Variants in NRXN3 observed in about 807,000 individuals in gnomAD.
NRXN3 encodes neurexin 3.
In NRXN3, 32 loss-of-function variants were observed where a neutral mutation model predicts 137.6. The observed-to-expected ratio is 0.23, with a 90% CI of 0.18 to 0.31. The LOEUF is 0.31. NRXN3 is among the 10% of genes least tolerant of loss of function. The pLI is 1.00. For synonymous variants in NRXN3, 798 were observed against 784.5 expected (o/e 1.02, Z -0.29); for missense variants, 1,574 against 2,062.5 (o/e 0.76, Z 4.59).
intron 10 of NRXN3, among the ~76,000 whole-genome samples, chr14:78,956,567 A>G (rs2099397181): frequency 2.6e-5 from 4 of 152,200 alleles, no homozygotes; most frequent in East Asian, 1.9e-4. Context: ...ACATCATTTC[A>G]GTTTTTAGGT....
chr14:79,262,324 A>C (rs1270030092), intron 15 of NRXN3, among the ~76,000 whole-genome samples: 2 of 152,030 alleles, frequency 1.3e-5, no homozygotes, highest in East Asian at 3.9e-4. Flanking sequence ...GAAAAAAAGA[A>C]GGAGGAAGAG....
intron 16 of NRXN3, among the ~76,000 whole-genome samples, chr14:79,468,970 G>A (rs1371771460): frequency 2.0e-5 from 3 of 152,140 alleles, no homozygotes; most frequent in Non-Finnish European, 4.4e-5. Flanking sequence ...AAAAAGAAAG[G>A]CAGCCATACT....
chr14:79,248,575 A>G (rs2075522238), intron 15 of NRXN3: 2 of 151,810 alleles, frequency 1.3e-5, no homozygotes, highest in African/African-American at 4.9e-5. Context: ...AGCACCTATC[A>G]CACTGAGCCA....
chr14:79,686,605 CAAAA>C (rs1019149075), intron 17 of NRXN3, among the ~76,000 whole-genome samples: 1 of 151,866 alleles, frequency 6.6e-6, no homozygotes, highest in African/African-American at 2.4e-5. Flanking sequence ...TTTAAAAAAA[CAAAA>C]AACAGATGAA....
chr14:78,173,225 C>G (rs1244383291), intron 1 of NRXN3, among the ~76,000 whole-genome samples: 2 of 151,776 alleles, frequency 1.3e-5, no homozygotes, highest in Non-Finnish European at 2.9e-5. Flanking sequence ...TATTCTGCAC[C>G]CCCCTTTCTC....
At chr14:78,175,189 G>GA (rs113592441) in intron 1 of NRXN3, among the ~76,000 whole-genome samples, 25,073 of 152,060 alleles carry the variant, frequency 0.16, 2,058 homozygotes, top group Middle Eastern at 0.23. Flanking sequence ...TTGCCTAAAA[G>GA]AAAAAAATCA....
chr14:78,579,370 C>A (rs144885163), intron 4 of NRXN3, among the ~76,000 whole-genome samples: 2 of 152,104 alleles, frequency 1.3e-5, no homozygotes, highest in Non-Finnish European at 2.9e-5. Flanking sequence ...TCCCTTAGGG[C>A]GAAGCTCAGC....
At chr14:78,709,145 T>C (rs999000244) in intron 6 of NRXN3, 72 bp from the exon 7 acceptor site, 2 of 1,408,708 alleles carry the variant, frequency 1.4e-6, no homozygotes, top group African/African-American at 2.9e-5. Flanking sequence ...TTTTTCCAGG[T>C]GCCCAGTGAG....
intron 9 of NRXN3, among the ~76,000 whole-genome samples, chr14:78,805,536 TATAAG>T (rs1168188689): frequency 1.2e-4 from 17 of 147,726 alleles, no homozygotes. Flanking sequence ...CTTAAATCAA[TATAAG>T]AGTGTGTTAC....
At chr14:79,745,465 C>T (rs893841071) in intron 19 of NRXN3, among the ~76,000 whole-genome samples, 11 of 152,092 alleles carry the variant, frequency 7.2e-5, no homozygotes, top group South Asian at 4.1e-4. Flanking sequence ...AAAGAAGTAT[C>T]GTGGCTATAT....
At chr14:78,261,580 AATTGTAAAGTGAATATTATTTCAATTAC>A (rs1236866116) in intron 2 of NRXN3, among the ~76,000 whole-genome samples, 5 of 152,220 alleles carry the variant, frequency 3.3e-5, no homozygotes, top group Non-Finnish European at 5.9e-5. Flanking sequence ...ACTTGTATTA[AATTGTAAAGTGAATATTATTTCAATTAC>A]ATTGTAAAGT....
At position 79,338,194 on chromosome 14, in the gene NRXN3, G is replaced by A. The variant is rs1014845779; in HGVS notation, c.3263-129027G>A. Among the ~76,000 whole-genome samples, 100 of 142,542 alleles carry A rather than the reference G, an allele frequency of 7.0e-4. 3 individuals are homozygous for A. The highest frequency in any genetic ancestry group is 4.5e-5 in the Non-Finnish European group (3 of 66,512). 93.5% of individuals were successfully genotyped at this position (142,542 alleles called of 152,430 possible). ...AGTTCTCCCATGAGCCCAGGCAGCC[G>A]GGGTGTGTGTGTGTGTGTATGTGAG... On this transcript the variant is annotated intron_variant, in intron 15 of 20. Transcript: ENST00000335750.
chr14:79,515,378 G>T (rs985840625), intron 16 of NRXN3, among the ~76,000 whole-genome samples: 1 of 150,462 alleles, frequency 6.6e-6, no homozygotes. Context: ...CAGTGGATGG[G>T]GTCATTTCAG....
intron 2 of NRXN3, among the ~76,000 whole-genome samples, chr14:78,249,133 T>C (rs1444533979): frequency 1.3e-5 from 2 of 152,224 alleles, no homozygotes; most frequent in East Asian, 3.8e-4. Context: ...CTCTGCCTCC[T>C]TTAATGAAAT....
At chr14:78,744,140 T>G (rs2098595910) in intron 8 of NRXN3, among the ~76,000 whole-genome samples, 1 of 152,112 alleles carries the variant, frequency 6.6e-6, no homozygotes, top group Admixed American at 6.6e-5. Context: ...TCCTGCAGGT[T>G]TTTTGTTTGT....
chr14:79,244,869 A>G (rs1326558901), intron 15 of NRXN3, among the ~76,000 whole-genome samples: 1 of 152,168 alleles, frequency 6.6e-6, no homozygotes, highest in Non-Finnish European at 1.5e-5. Flanking sequence ...CTTAAACTCT[A>G]GGGAATAAGG....
At chr14:79,342,125 G>C (rs2092640230) in intron 15 of NRXN3, among the ~76,000 whole-genome samples, 1 of 152,144 alleles carries the variant, frequency 6.6e-6, no homozygotes, top group Non-Finnish European at 1.5e-5. Flanking sequence ...TATTGGTGAG[G>C]GTTGTGGGTG....
At chr14:79,634,787 G>T (rs932751407) in intron 16 of NRXN3, among the ~76,000 whole-genome samples, 5 of 152,248 alleles carry the variant, frequency 3.3e-5, no homozygotes, top group Admixed American at 3.3e-4. Flanking sequence ...AACAAAAGAA[G>T]AGGAACCTAC....
At chr14:79,519,146 G>A (rs182079006) in intron 16 of NRXN3, among the ~76,000 whole-genome samples, 1 of 151,446 alleles carries the variant, frequency 6.6e-6, no homozygotes, top group Admixed American at 6.6e-5. Context: ...ATCCCCTTTA[G>A]AATTATTTTT....
Sources: gnomAD v4.1 joint callset for allele counts (sites outside exome capture counted in the v4.1 genomes callset) on GRCh38, gnomAD v4.1.1 for gene constraint, MANE v1.5 for transcripts, NCBI Gene and HGNC (gene_info 2026-07-23, HGNC 2026-07-21) for gene names.